The following CDC42BPB variants were observed in gnomAD, a reference collection of about 807,000 sequenced individuals.
CDC42BPB encodes serine/threonine-protein kinase MRCK beta.
Under a neutral mutation model 214.9 loss-of-function variants are expected in CDC42BPB, and 37 were observed. The observed-to-expected ratio is 0.17, with a 90% CI of 0.13 to 0.23. The LOEUF (loss-of-function observed/expected upper bound fraction) is 0.23. CDC42BPB is among the 10% of genes least tolerant of loss of function. CDC42BPB has a pLI of 1.00. For missense variants in CDC42BPB, 1,694 were observed against 2,227.0 expected, an observed-to-expected ratio of 0.76 and a Z score of 4.82; for synonymous variants, 931 against 884.0, an observed-to-expected ratio of 1.05 and a Z score of -0.94.
chr14:102,970,612 G>A (rs145610561), intron 13 of CDC42BPB, among the ~76,000 whole-genome samples: 113 of 152,238 alleles, frequency 7.4e-4, no homozygotes, highest in Admixed American at 1.7e-3. Context: ...ACACGCACAC[G>A]AAGAACGAGC....
At chr14:102,972,826 C>T (rs1021960291) in intron 12 of CDC42BPB, among the ~76,000 whole-genome samples, 12 of 151,112 alleles carry the variant, frequency 7.9e-5, no homozygotes, top group East Asian at 1.9e-4. Flanking sequence ...CCTGCACAGC[C>T]GCAAAGCTGA....
chr14:102,958,334 C>T (rs1892801540), intron 21 of CDC42BPB, among the ~76,000 whole-genome samples: 1 of 152,188 alleles, frequency 6.6e-6, no homozygotes, highest in African/African-American at 2.4e-5. Context: ...AAGAAAGTCT[C>T]TTATGTTGAG....
At chr14:102,996,359 G>C (rs188699412) in intron 5 of CDC42BPB, among the ~76,000 whole-genome samples, 243 of 152,246 alleles carry the variant, frequency 1.6e-3, no homozygotes, top group African/African-American at 5.4e-3. Flanking sequence ...AAGAGAGAGA[G>C]AATGAGGAGA....
chr14:103,044,081 ACAGT>A (rs1255790419), intron 1 of CDC42BPB, among the ~76,000 whole-genome samples: 3 of 152,250 alleles, frequency 2.0e-5, no homozygotes, highest in African/African-American at 7.2e-5. Flanking sequence ...TGCTAGTCAG[ACAGT>A]ATTTCCCACA....
intron 6 of CDC42BPB, among the ~76,000 whole-genome samples, chr14:102,985,990 G>A (rs1296243508): frequency 6.6e-6 from 1 of 152,220 alleles, no homozygotes; most frequent in Non-Finnish European, 1.5e-5. Flanking sequence ...TTCCCTGCTG[G>A]CGGGAGTGTC....
chr14:103,056,992 C>A lies in CDC42BPB; in HGVS notation c.175+7G>T. The A allele has an allele frequency of 6.9e-7, 1 of 1,440,114 alleles. No individual in the cohort carries two copies. Among genetic ancestry groups the A allele is most frequent in the Non-Finnish European group, 9.1e-7 (1 of 1,095,370 alleles). The allele number at this position is 1,440,114 out of a possible 1,614,324, so 89.2% of individuals were successfully genotyped here. The stretch of plus-strand genomic sequence containing the variant: ...CCGCAGGTCCGGCCCTGCCGGCGCG[C>A]ACTTACCCCACTCGAGGAACTCGGC... On this transcript the variant is annotated splice_region_variant and intron_variant, in intron 1 of 36. Transcript: ENST00000361246.
intron 30 of CDC42BPB, among the ~76,000 whole-genome samples, chr14:102,942,332 C>A (rs1244781279): frequency 1.3e-5 from 2 of 152,158 alleles, no homozygotes; most frequent in African/African-American, 4.8e-5. Flanking sequence ...TGGTGTCTAG[C>A]CACGACGCCC....
At chr14:103,010,978 G>A (rs112245032) in intron 2 of CDC42BPB, among the ~76,000 whole-genome samples, 2 of 152,232 alleles carry the variant, frequency 1.3e-5, no homozygotes, top group Non-Finnish European at 2.9e-5. Flanking sequence ...TGCAGTGAGC[G>A]GAGATCGCAC....
rs757671071 is a variant in CDC42BPB at position 102,944,434 on chromosome 14, T to G, written c.3865A>C (p.Arg1289=). 6.2e-7 allele frequency: 1 copy of G among 1,612,994 alleles called. No individual in the cohort carries two copies. The highest frequency in any genetic ancestry group is 1.7e-5 in the Admixed American group (1 of 60,010). ...KKVHQIELAP[R]EKIVILLCGR... is the part of the protein sequence containing the mutation. Reference sequence around the variant, plus strand: ...CAGAGGAGGATTACGATCTTCTCCCTGGGAGCAAGCTCGATCTGGTGTACC... The same window carrying G: ...CAGAGGAGGATTACGATCTTCTCCCGGGGAGCAAGCTCGATCTGGTGTACC... The change falls in exon 30 of 37, where the codon AGG becomes CGG. Residue 1289 remains arginine (R), a synonymous_variant. Coordinates refer to ENST00000361246, the MANE Select transcript of CDC42BPB (RefSeq NM_006035.4). The surrounding 1 kb of genome is among the most constrained non-coding windows in gnomAD (Gnocchi z 6.6).
chr14:103,050,923 C>A (rs1034759288), intron 1 of CDC42BPB, among the ~76,000 whole-genome samples: 1 of 152,052 alleles, frequency 6.6e-6, no homozygotes, highest in Non-Finnish European at 1.5e-5. Context: ...GAAATTATAT[C>A]ATTCCATTCA....
intron 13 of CDC42BPB, 49 bp from the exon 14 acceptor site, chr14:102,970,310 C>T (rs1893418839): frequency 6.4e-7 from 1 of 1,564,156 alleles, no homozygotes; most frequent in Non-Finnish European, 8.7e-7. Flanking sequence ...AGCCCTGCTT[C>T]ACCAGTTACA....
chr14:102,999,893 C>T (rs1366550369), intron 4 of CDC42BPB, 180 bp from the exon 5 acceptor site: 6 of 985,300 alleles, frequency 6.1e-6, no homozygotes, highest in African/African-American at 1.7e-5. Context: ...GCGTCCACGA[C>T]GCCGCCATCT....
chr14:102,960,863 T>C (rs1375300095), intron 20 of CDC42BPB, among the ~76,000 whole-genome samples: 1 of 152,118 alleles, frequency 6.6e-6, no homozygotes. Context: ...ATCAGTATTC[T>C]AATTTAAAAA....
chr14:103,046,457 C>G (rs1380180886), intron 1 of CDC42BPB, among the ~76,000 whole-genome samples: 1 of 152,040 alleles, frequency 6.6e-6, no homozygotes, highest in Non-Finnish European at 1.5e-5. Flanking sequence ...AGAGAAGCCT[C>G]TAACAAAGAG....
intron 1 of CDC42BPB, among the ~76,000 whole-genome samples, chr14:103,040,464 T>A (rs1887927503): frequency 6.6e-6 from 1 of 152,120 alleles, no homozygotes; most frequent in Non-Finnish European, 1.5e-5. Flanking sequence ...AATTTAAATT[T>A]ATTTATTTAT....
intron 21 of CDC42BPB, among the ~76,000 whole-genome samples, chr14:102,958,772 C>T (rs1014628787): frequency 7.2e-5 from 11 of 152,116 alleles, no homozygotes; most frequent in Non-Finnish European, 1.2e-4. Context: ...TCCCATCGAT[C>T]CCCAATGCCG....
At chr14:102,940,457 C>G in intron 30 of CDC42BPB, 133 bp from the exon 31 acceptor site, 1 of 1,479,268 alleles carries the variant, frequency 6.8e-7, no homozygotes, top group African/African-American at 1.4e-5. Flanking sequence ...TTCACGTCAC[C>G]AAAGACTTCA....
At chr14:103,006,631 A>T (rs1885834253) in intron 3 of CDC42BPB, among the ~76,000 whole-genome samples, 1 of 152,262 alleles carries the variant, frequency 6.6e-6, no homozygotes, top group Non-Finnish European at 1.5e-5. Context: ...TTTTAAGAAA[A>T]TTTTTTATAA....
chr14:102,997,968 A>T (rs1406290019), intron 5 of CDC42BPB, among the ~76,000 whole-genome samples: 2 of 152,218 alleles, frequency 1.3e-5, no homozygotes, highest in Admixed American at 6.5e-5. Context: ...AACATGGCGA[A>T]ATCCCATCTC....
Sources: gnomAD v4.1 joint callset for allele counts (sites outside exome capture counted in the v4.1 genomes callset) on GRCh38, gnomAD v4.1.1 for gene constraint, Gnocchi (gnomAD v3.1) non-coding constraint, MANE v1.5 for transcripts, NCBI Gene and HGNC (gene_info 2026-07-23, HGNC 2026-07-21) for gene names.